FLNB: variants seen among roughly 807,000 people sequenced by gnomAD.
FLNB encodes the protein filamin B, also known as filamin-B.
Under a neutral mutation model 250.6 loss-of-function variants are expected in FLNB, and 111 were observed. The ratio of observed to expected loss-of-function variants is 0.44; its 90% CI spans 0.38 to 0.52. The LOEUF (loss-of-function observed/expected upper bound fraction) is 0.52, where lower values mean the gene tolerates loss of function less well. Among genes scored for constraint, FLNB ranks in the 20% least tolerant of loss-of-function variants. The probability of loss-of-function intolerance (pLI) is 0.00; values close to 1 mark genes in which losing one functional copy is unlikely to be tolerated. For missense variants in FLNB, 2,869 were observed against 3,447.8 expected, an observed-to-expected ratio of 0.83 and a Z score of 4.20; for synonymous variants, 1,302 against 1,372.1, an observed-to-expected ratio of 0.95 and a Z score of 1.13.
At chr3:58,105,341 C>T in intron 11 of FLNB, 125 bp downstream of exon 11, 1 of 1,177,164 alleles carries the variant, frequency 8.5e-7, no homozygotes, top group Non-Finnish European at 1.3e-6. Flanking sequence ...GCCTCCTGGC[C>T]ACCCTAAGCC....
Position 58,099,028 on chromosome 3 carries a change from C to T in FLNB, c.1345+120C>T, listed in dbSNP as rs558241486. On this transcript the variant is annotated intron_variant, in intron 8 of 45. Coordinates refer to ENST00000295956, the MANE Select transcript of FLNB (RefSeq NM_001457.4). ...TGACCTTATGCCTATCCCTTTTCTG[C>T]CAGGGCTACTTCAGCAGTAAGTGGC... 11 of 831,460 alleles carry T rather than the reference C, an allele frequency of 1.3e-5. No individual in the cohort carries two copies. In the African/African-American group the frequency reaches 1.5e-4, roughly 11 times the overall value. 51.5% of individuals were successfully genotyped at this position (831,460 alleles called of 1,614,324 possible).
At position 58,168,684 on chromosome 3, in the gene FLNB, A is replaced by G. The variant is rs1299607711; in HGVS notation, c.7417+26A>G. The G allele has an allele frequency of 2.0e-6, 3 of 1,524,218 alleles. No individual in the cohort carries two copies. In the African/African-American group the frequency reaches 4.1e-5, roughly 21 times the overall value. The allele number at this position is 1,524,218 out of a possible 1,614,324, so 94.4% of individuals were successfully genotyped here. ...GTAACGAACAACCACCTTCGGAGTT[A>G]CTCTCCCTTCCTGGGGAGCTGGTTG... On this transcript the variant is annotated intron_variant, in intron 44 of 45. Transcript: ENST00000295956.
chr3:58,141,844 T>A lies in FLNB; in HGVS notation c.5110-14T>A, dbSNP rs1427527071. On this transcript the variant is annotated splice_polypyrimidine_tract_variant and intron_variant, in intron 29 of 45. Coordinates refer to ENST00000295956, the MANE Select transcript of FLNB (RefSeq NM_001457.4). ...AGTATGGTTCCCAACTAATCTCCATTTGCCACTGACCAGGCCACAGATGGG... is the reference window on the plus strand; with the variant it reads ...AGTATGGTTCCCAACTAATCTCCATATGCCACTGACCAGGCCACAGATGGG... The A allele has an allele frequency of 6.2e-7, 1 of 1,613,330 alleles. No individual in the cohort carries two copies. The highest frequency in any genetic ancestry group is 8.5e-7 in the Non-Finnish European group (1 of 1,179,296).
chr3:58,060,066 G>T (rs1467240128), intron 1 of FLNB, among the ~76,000 whole-genome samples: 1 of 152,226 alleles, frequency 6.6e-6, no homozygotes, highest in Admixed American at 6.5e-5. Flanking sequence ...AAGGATTCAG[G>T]GGGGTAACTG....
At chr3:58,122,995 A>C in intron 20 of FLNB, 98 bp from the exon 21 acceptor site, 1 of 1,113,396 alleles carries the variant, frequency 9.0e-7, no homozygotes, top group Non-Finnish European at 1.4e-6. Context: ...TGCCTGGCTC[A>C]GATGCACTTC....
chr3:58,093,253 G>A (rs2097231327), intron 4 of FLNB, among the ~76,000 whole-genome samples: 1 of 152,210 alleles, frequency 6.6e-6, no homozygotes, highest in Admixed American at 6.5e-5. Context: ...TTTGAACACA[G>A]GAGCGTCTGT....
intron 1 of FLNB, among the ~76,000 whole-genome samples, chr3:58,025,699 G>A (rs1488261675): frequency 1.3e-5 from 2 of 152,218 alleles, no homozygotes; most frequent in Non-Finnish European, 1.5e-5. Flanking sequence ...GCTGAGGCGT[G>A]CAGATCACTT....
chr3:58,122,168 CAA>C lies in FLNB; in HGVS notation c.3126+683_3126+684del, dbSNP rs546747097. The stretch of plus-strand genomic sequence containing the variant: ...TGGGCGACAGAGCAAGACTCCGTCT[CAA>C]AAAAAAAAAAAAAAAAACCACAAAA... On this transcript the variant is annotated intron_variant, in intron 20 of 45. Transcript: ENST00000295956. Among the ~76,000 whole-genome samples, 457 of 65,862 alleles carry C rather than the reference CAA, an allele frequency of 6.9e-3. 2 individuals carry two copies. Among genetic ancestry groups the C allele is most frequent in the African/African-American group, 0.018 (331 of 18,324 alleles). 43.2% of individuals were successfully genotyped at this position (65,862 alleles called of 152,430 possible).
intron 1 of FLNB, among the ~76,000 whole-genome samples, chr3:58,061,739 C>G (rs945395475): frequency 2.1e-5 from 3 of 144,896 alleles, no homozygotes; most frequent in African/African-American, 7.8e-5. Flanking sequence ...ACCCTGTCTC[C>G]CCCTGGCCTC....
Position 58,138,580 on chromosome 3 carries a change from C to T in FLNB, c.5109+51C>T. ...ATGCTGTTATTGGTGGAAACTGTAA[C>T]AGCTGCCGTTTGTTGAACCCTGACT... On this transcript the variant is annotated intron_variant, in intron 29 of 45. Transcript: ENST00000295956. 4.3e-6 allele frequency: 7 copies of T among 1,611,338 alleles called. No individual in the cohort carries two copies. The East Asian group carries it at 1.6e-4, about 36-fold the overall frequency.
At chr3:58,047,168 A>C (rs2097155512) in intron 1 of FLNB, among the ~76,000 whole-genome samples, 2 of 152,212 alleles carry the variant, frequency 1.3e-5, no homozygotes, top group Non-Finnish European at 2.9e-5. Context: ...ACCAAAGAGA[A>C]AAATTGGTTT....
At chr3:58,030,305 AT>A (rs931730272) in intron 1 of FLNB, among the ~76,000 whole-genome samples, 4 of 152,212 alleles carry the variant, frequency 2.6e-5, no homozygotes, top group African/African-American at 9.6e-5. Flanking sequence ...AAGGAAAATG[AT>A]TGGCTCATGT....
At chr3:58,031,247 T>G (rs1452410393) in intron 1 of FLNB, among the ~76,000 whole-genome samples, 3 of 152,144 alleles carry the variant, frequency 2.0e-5, no homozygotes, top group African/African-American at 7.2e-5. Context: ...TTTTATTTAT[T>G]TATTTATCTT....
At chr3:58,151,890 A>G (rs987213873) in intron 38 of FLNB, among the ~76,000 whole-genome samples, 2 of 151,970 alleles carry the variant, frequency 1.3e-5, no homozygotes, top group African/African-American at 4.8e-5. Context: ...ACATTTCTCC[A>G]TACTCCCCCA....
At chr3:58,078,533 G>C in intron 2 of FLNB, 184 bp from the exon 3 acceptor site, 1 of 1,536,384 alleles carries the variant, frequency 6.5e-7, no homozygotes, top group Non-Finnish European at 8.7e-7. Context: ...ATGGAGGATA[G>C]TTTACACCCT....
chr3:58,121,644 C>T, intron 20 of FLNB, 141 bp downstream of exon 20: 1 of 1,079,172 alleles, frequency 9.3e-7, no homozygotes, highest in Middle Eastern at 2.5e-4. Flanking sequence ...GAAAGGTCCC[C>T]TGGGTAGGTG....
intron 27 of FLNB, among the ~76,000 whole-genome samples, chr3:58,135,640 G>T (rs184311420): frequency 1.2e-4 from 18 of 152,254 alleles, no homozygotes; most frequent in Non-Finnish European, 2.4e-4. Flanking sequence ...AAGAGTTATG[G>T]TCCTGTTAAT....
intron 1 of FLNB, among the ~76,000 whole-genome samples, chr3:58,067,602 T>TG (rs2097187734): frequency 3.8e-5 from 2 of 53,206 alleles, no homozygotes; most frequent in Non-Finnish European, 7.4e-5. Flanking sequence ...TGTTTTTTTT[T>TG]TGTTTTTTTT....
chr3:58,098,625 A>G (rs1414238192), intron 7 of FLNB, 86 bp from the exon 8 acceptor site: 2 of 1,301,214 alleles, frequency 1.5e-6, no homozygotes, highest in African/African-American at 2.9e-5. Flanking sequence ...GAGCCACCAC[A>G]CTGGTCCTGT....
Sources: allele counts gnomAD v4.1 joint callset (sites outside exome capture counted in the v4.1 genomes callset), GRCh38; gene constraint gnomAD v4.1.1; transcripts MANE v1.5; gene names NCBI Gene and HGNC (gene_info 2026-07-23, HGNC 2026-07-21).